FRRS1: variants seen among roughly 807,000 people sequenced by gnomAD.
FRRS1 encodes ferric chelate reductase 1.
In FRRS1, 51 loss-of-function variants were observed where a neutral mutation model predicts 70.7. That is an observed-to-expected ratio of 0.72 (90% CI 0.58 to 0.91). FRRS1 has a LOEUF of 0.91. Ranked by LOEUF, FRRS1 falls within the 40% of genes least tolerant of loss-of-function variation. The pLI, the probability that FRRS1 is intolerant of heterozygous loss-of-function variation, is 0.00. For missense variants in FRRS1, 672 were observed against 726.0 expected (o/e 0.93, Z 0.86); for synonymous variants, 225 against 238.7 (o/e 0.94, Z 0.53).
intron 1 of FRRS1, among the ~76,000 whole-genome samples, chr1:99,754,731 G>A (rs781587430): frequency 2.6e-5 from 4 of 152,160 alleles, no homozygotes; most frequent in African/African-American, 7.2e-5. Flanking sequence ...GAATAAATTC[G>A]TGGGATGCCG....
intron 11 of FRRS1, among the ~76,000 whole-genome samples, chr1:99,716,385 T>G (rs1408914821): frequency 6.6e-6 from 1 of 152,082 alleles, no homozygotes; most frequent in African/African-American, 2.4e-5. Context: ...AGTGGAGGAT[T>G]TGAGTTGATA....
At chr1:99,755,484 G>A (rs970383584) in intron 1 of FRRS1, among the ~76,000 whole-genome samples, 9 of 152,042 alleles carry the variant, frequency 5.9e-5, no homozygotes, top group African/African-American at 1.7e-4. Context: ...CTATTTAATC[G>A]ACTTCGCCAT....
chr1:99,719,448 C>A, intron 10 of FRRS1, 86 bp downstream of exon 10: 8 of 682,104 alleles, frequency 1.2e-5, no homozygotes, highest in Non-Finnish European at 1.8e-5. Flanking sequence ...AAATTAGCTA[C>A]ATTATACCCA....
chr1:99,736,667 T>C (rs77209857), intron 7 of FRRS1, among the ~76,000 whole-genome samples: 18,053 of 130,872 alleles, frequency 0.14, 1,511 homozygotes, highest in East Asian at 0.19. Context: ...ATACCTAATG[T>C]TAAATGACCA....
At position 99,706,630 on chromosome 1, in the gene FRRS1, G is replaced by A. The variant is rs905540530; in HGVS notation, c.*2398C>T. ...AATTTTCAGCTGGGCACAGTGGCTC[G>A]TGCCTGTAATCCCAGCACTTTGGGA... On this transcript the variant is annotated 3_prime_UTR_variant, in exon 17 of 17. Transcript: ENST00000646001. 1.3e-5 allele frequency among the ~76,000 whole-genome samples: 2 copies of A among 151,870 alleles called. No homozygotes were observed. The highest frequency in any genetic ancestry group is 1.9e-4 in the East Asian group (1 of 5,152).
At chr1:99,710,103 G>A (rs1439148704) in intron 15 of FRRS1, among the ~76,000 whole-genome samples, 1 of 152,124 alleles carries the variant, frequency 6.6e-6, no homozygotes, top group Non-Finnish European at 1.5e-5. Flanking sequence ...AGCCACCCCA[G>A]GCTCTCCTAA....
intron 14 of FRRS1, 39 bp from the exon 15 acceptor site, chr1:99,710,988 C>A: frequency 1.3e-6 from 2 of 1,569,220 alleles, no homozygotes; most frequent in South Asian, 1.1e-5. Context: ...AAATGTAGTC[C>A]CACCAAGAGA....
Position 99,717,500 on chromosome 1 carries a change from C to A in FRRS1, c.1146G>T (p.Met382Ile). 2 of 1,613,674 alleles carry A rather than the reference C, an allele frequency of 1.2e-6. No individual in the cohort carries two copies. Among genetic ancestry groups the A allele is most frequent in the South Asian group, 2.2e-5 (2 of 91,044 alleles). ...VHGALMFVAW[M>I]TTVSIGVLVA... ...CCAGTACACCTATGCTAACAGTAGT[C>A]ATCCATGCCACAAACATTAAGGCAC... The change falls in exon 11 of 17, where the codon ATG becomes ATT. Residue 382 changes from methionine (M) to isoleucine (I), a missense_variant. Transcript: ENST00000646001.
At chr1:99,725,027 T>C (rs944360330) in intron 9 of FRRS1, among the ~76,000 whole-genome samples, 3 of 152,176 alleles carry the variant, frequency 2.0e-5, no homozygotes, top group Non-Finnish European at 4.4e-5. Context: ...AATTTTTCCA[T>C]GGAAGAAGGG....
At chr1:99,712,611 T>C (rs1234243866) in intron 12 of FRRS1, 96 bp from the exon 13 acceptor site, 2 of 614,658 alleles carry the variant, frequency 3.3e-6, no homozygotes, top group African/African-American at 1.9e-5. Flanking sequence ...TCTTAGTATT[T>C]TTCCATGGCT....
chr1:99,754,793 C>T (rs1193928288), intron 1 of FRRS1, among the ~76,000 whole-genome samples: 4 of 152,228 alleles, frequency 2.6e-5, no homozygotes, highest in South Asian at 4.2e-4. Context: ...TATATAGTTA[C>T]GTAAACAAAT....
intron 7 of FRRS1, among the ~76,000 whole-genome samples, chr1:99,736,520 C>A (rs1331579366): frequency 6.7e-6 from 1 of 148,950 alleles, no homozygotes; most frequent in East Asian, 2.0e-4. Flanking sequence ...ATCGCAAGGA[C>A]AAAAAACCAA....
intron 1 of FRRS1, among the ~76,000 whole-genome samples, chr1:99,762,218 A>T (rs747110613): frequency 8.5e-5 from 13 of 152,230 alleles, no homozygotes; most frequent in Non-Finnish European, 1.9e-4. Flanking sequence ...GAAATAAAAA[A>T]GTGAGAATGG....
At position 99,705,705 on chromosome 1, in the gene FRRS1, T is replaced by C. The variant is rs1654018763; in HGVS notation, c.*3323A>G. ...GATTCATTTACTTGATAACCCATAC[T>C]ATAGACTACCTTTGCCCTTAAGATT... On this transcript the variant is annotated 3_prime_UTR_variant, in exon 17 of 17. Transcript: ENST00000646001. Among the ~76,000 whole-genome samples the C allele has an allele frequency of 6.6e-6, 1 of 152,238 alleles. No homozygotes were observed. Among genetic ancestry groups the C allele is most frequent in the Non-Finnish European group, 1.5e-5 (1 of 68,036 alleles).
intron 7 of FRRS1, among the ~76,000 whole-genome samples, chr1:99,730,283 T>G (rs187678532): frequency 6.6e-6 from 1 of 152,190 alleles, no homozygotes; most frequent in African/African-American, 2.4e-5. Flanking sequence ...TATTGCTACA[T>G]AGTGTACATA....
chr1:99,719,923 A>G (rs1654731217), intron 9 of FRRS1, among the ~76,000 whole-genome samples: 1 of 152,196 alleles, frequency 6.6e-6, no homozygotes, highest in Admixed American at 6.5e-5. Context: ...CTGGTGGTAT[A>G]AAGAGACAAG....
chr1:99,730,978 G>T, intron 7 of FRRS1, among the ~76,000 whole-genome samples: 1 of 152,094 alleles, frequency 6.6e-6, no homozygotes, highest in South Asian at 2.1e-4. Flanking sequence ...CAAGTCTGCA[G>T]TGTGGCATGA....
At chr1:99,721,565 G>A (rs1285230180) in intron 9 of FRRS1, among the ~76,000 whole-genome samples, 3 of 151,460 alleles carry the variant, frequency 2.0e-5, no homozygotes, top group Non-Finnish European at 4.4e-5. Flanking sequence ...CAAAGTAGTA[G>A]TAACCATGGA....
intron 8 of FRRS1, 85 bp downstream of exon 8, chr1:99,729,565 A>G: frequency 1.2e-6 from 1 of 820,846 alleles, no homozygotes; most frequent in Non-Finnish European, 2.1e-6. Context: ...GTTGGAGGCA[A>G]TCTAGCAGCA....
Sources: gnomAD v4.1 joint callset for allele counts (sites outside exome capture counted in the v4.1 genomes callset) on GRCh38, gnomAD v4.1.1 for gene constraint, MANE v1.5 for transcripts, NCBI Gene and HGNC (gene_info 2026-07-23, HGNC 2026-07-21) for gene names.